IFT52: variants seen among roughly 807,000 people sequenced by gnomAD.
IFT52 encodes intraflagellar transport protein 52 homolog.
Under a neutral mutation model 54.4 loss-of-function variants are expected in IFT52, and 44 were observed. That is an observed-to-expected ratio of 0.81 (90% CI 0.63 to 1.04). The LOEUF is 1.04. Among genes scored for constraint, IFT52 ranks in the 50% least tolerant of loss-of-function variants. IFT52 has a pLI of 0.00. For missense variants in IFT52, 452 were observed against 523.6 expected (o/e 0.86, Z 1.33); for synonymous variants, 181 against 185.3 (o/e 0.98, Z 0.19).
intron 10 of IFT52, among the ~76,000 whole-genome samples, chr20:43,624,952 T>C (rs1312075693): frequency 6.6e-6 from 1 of 152,122 alleles, no homozygotes; most frequent in Non-Finnish European, 1.5e-5. Flanking sequence ...TTTGTGAAAT[T>C]AGCATGCTGC....
chr20:43,618,894 A>G (rs763163007), intron 7 of IFT52, 46 bp from the exon 8 acceptor site: 1 of 1,240,326 alleles, frequency 8.1e-7, no homozygotes, highest in Non-Finnish European at 1.2e-6. Context: ...GATACATGAG[A>G]TGCACTTTCG....
In IFT52 at chr20:43,642,616, T is replaced by C. The variant is rs1439715289; in HGVS notation, c.1258T>C (p.Leu420=). 3 of 1,613,884 alleles carry C rather than the reference T, an allele frequency of 1.9e-6. No individual in the cohort carries two copies. Among genetic ancestry groups the C allele is most frequent in the Non-Finnish European group, 2.5e-6 (3 of 1,179,966 alleles). ...CTTCCAAGTGGTGGAGTTCAAGAAATTGAACCAGGTACAGAGCCTACAAGG... is the reference window on the plus strand; with the variant it reads ...CTTCCAAGTGGTGGAGTTCAAGAAACTGAACCAGGTACAGAGCCTACAAGG... ...VFFQVVEFKK[L]NQEHDIDTSE... Residue 420 remains leucine (L), a synonymous_variant, in exon 13 of 14, where the codon TTG becomes CTG. Coordinates refer to ENST00000373030, the MANE Select transcript of IFT52 (RefSeq NM_016004.5).
At chr20:43,611,690 C>G (rs1248650314) in intron 6 of IFT52, among the ~76,000 whole-genome samples, 1 of 151,770 alleles carries the variant, frequency 6.6e-6, no homozygotes, top group Non-Finnish European at 1.5e-5. Flanking sequence ...CTGGCCTAGT[C>G]TCATTGATTT....
At chr20:43,625,842 G>A (rs1984677221) in intron 10 of IFT52, among the ~76,000 whole-genome samples, 1 of 151,910 alleles carries the variant, frequency 6.6e-6, no homozygotes, top group Non-Finnish European at 1.5e-5. Context: ...ATGGCATAAT[G>A]ACTTCCTTAT....
At position 43,642,548 on chromosome 20, in the gene IFT52, C is replaced by G; in HGVS notation, c.1190C>G (p.Pro397Arg). The change falls in exon 13 of 14, where the codon CCA (proline) becomes CGA (arginine). Residue 397 changes from proline (P) to arginine (R), a missense_variant. Physicochemically the swap from Pro to Arg is moderately radical, Grantham distance 103. Transcript: ENST00000373030. ...ATTCTTGGAGTAACCAGTAAACTACCAAAGGACCAACAGGATGCCAAACAT... is the reference window on the plus strand; with the variant it reads ...ATTCTTGGAGTAACCAGTAAACTACGAAAGGACCAACAGGATGCCAAACAT... ...GDILGVTSKL[P>R]KDQQDAKHIL... 1 of 1,614,070 alleles carries G rather than the reference C, an allele frequency of 6.2e-7. No homozygotes were observed. Among genetic ancestry groups the G allele is most frequent in the Non-Finnish European group, 8.5e-7 (1 of 1,179,982 alleles).
chr20:43,605,282 A>T (rs961702671), intron 6 of IFT52: 229 of 1,264,504 alleles, frequency 1.8e-4, no homozygotes, highest in Non-Finnish European at 2.2e-4. Context: ...ATGGTGGCTC[A>T]CGCCTGTAAT....
At chr20:43,635,076 G>T (rs541238375) in intron 10 of IFT52, among the ~76,000 whole-genome samples, 25 of 151,946 alleles carry the variant, frequency 1.6e-4, no homozygotes, top group Non-Finnish European at 3.1e-4. Flanking sequence ...GCTTAGGCAG[G>T]AGAATCACTT....
chr20:43,610,682 T>C (rs542484286), intron 6 of IFT52, among the ~76,000 whole-genome samples: 1 of 150,012 alleles, frequency 6.7e-6, no homozygotes, highest in African/African-American at 2.5e-5. Flanking sequence ...GAGCTTGCAG[T>C]GAGCCGAGAT....
intron 10 of IFT52, 29 bp downstream of exon 10, chr20:43,624,074 C>A: frequency 6.2e-7 from 1 of 1,608,478 alleles, no homozygotes; most frequent in Non-Finnish European, 8.5e-7. Context: ...CTGAGCCACA[C>A]TGCACTCCAT....
chr20:43,605,377 T>C (rs548843939), intron 6 of IFT52, among the ~76,000 whole-genome samples: 12 of 152,068 alleles, frequency 7.9e-5, no homozygotes, highest in Non-Finnish European at 1.6e-4. Context: ...CAAAATCCCA[T>C]CTCTACTAAA....
chr20:43,598,661 C>G (rs892999115), intron 3 of IFT52, among the ~76,000 whole-genome samples: 2 of 152,184 alleles, frequency 1.3e-5, no homozygotes, highest in African/African-American at 4.8e-5. Flanking sequence ...CGCCACCGCA[C>G]TCCAGCCTGG....
At position 43,603,927 on chromosome 20, in the gene IFT52, TTCTA is replaced by T. The variant is rs764939005; in HGVS notation, c.337+44_337+47del. ...ATTATTTTCAGTAGAGGCAGTACTT[TTCTA>T]TCTATTATTTGATATCATAGCCCTC... is the stretch of plus-strand genomic sequence containing the variant. On this transcript the variant is annotated intron_variant, in intron 4 of 13. Coordinates refer to ENST00000373030, the MANE Select transcript of IFT52 (RefSeq NM_016004.5). 36 of 1,349,242 alleles carry T rather than the reference TTCTA, an allele frequency of 2.7e-5. No individual in the cohort carries two copies. The South Asian group carries it at 3.1e-4, about 12-fold the overall frequency. The allele number at this position is 1,349,242 out of a possible 1,614,324, so 83.6% of individuals were successfully genotyped here.
intron 12 of IFT52, among the ~76,000 whole-genome samples, chr20:43,640,094 G>A (rs1018753950): frequency 3.3e-5 from 5 of 151,904 alleles, no homozygotes; most frequent in African/African-American, 1.2e-4. Flanking sequence ...AGCCTAGGAA[G>A]TCAAGGCTGC....
chr20:43,625,855 C>A (rs1209800029), intron 10 of IFT52, among the ~76,000 whole-genome samples: 1 of 151,500 alleles, frequency 6.6e-6, no homozygotes, highest in African/African-American at 2.4e-5. Context: ...TTCCTTATAT[C>A]CCGAACGTCA....
intron 6 of IFT52, among the ~76,000 whole-genome samples, chr20:43,605,486 G>T (rs1982793611): frequency 6.6e-6 from 1 of 152,228 alleles, no homozygotes; most frequent in South Asian, 2.1e-4. Context: ...GGCGGAAGTT[G>T]CAGTGAGCCA....
chr20:43,611,719 A>C (rs1983464781), intron 6 of IFT52, among the ~76,000 whole-genome samples: 1 of 152,020 alleles, frequency 6.6e-6, no homozygotes, highest in African/African-American at 2.4e-5. Context: ...GTAATAAAAG[A>C]AATACAGGAG....
chr20:43,600,493 A>T lies in IFT52; in HGVS notation c.208-3267A>T, dbSNP rs1456409907. Among the ~76,000 whole-genome samples the T allele has an allele frequency of 2.6e-5, 4 of 151,814 alleles. No homozygotes were observed. The East Asian group carries it at 5.8e-4, about 22-fold the overall frequency. ...CTAATTTTTTGTATTTTTAGTAGAG[A>T]TGGGGTTTCACCGTGTTAGCCAGGG... is the stretch of plus-strand genomic sequence containing the variant. On this transcript the variant is annotated intron_variant, in intron 3 of 13. Coordinates refer to ENST00000373030, the MANE Select transcript of IFT52 (RefSeq NM_016004.5).
In IFT52 at chr20:43,594,795, C is replaced by A. The variant is rs547710015; in HGVS notation, c.97C>A (p.Arg33=). Residue 33 remains arginine (R), a synonymous_variant, in exon 2 of 14, where the codon CGG becomes AGG. Transcript: ENST00000373030. ...CTACAAATCCATGCAGAAAAAACTT[C>A]GGAGTAATTGGAAGATTCAGAGGTG... ...NGYKSMQKKL[R]SNWKIQSLKD... 12 of 1,594,190 alleles carry A rather than the reference C, an allele frequency of 7.5e-6. No individual in the cohort carries two copies. The African/African-American group carries it at 1.3e-4, about 18-fold the overall frequency.
chr20:43,620,998 A>C, intron 9 of IFT52, 73 bp downstream of exon 9: 86 of 1,049,760 alleles, frequency 8.2e-5, no homozygotes, highest in Non-Finnish European at 1.1e-4. Context: ...CTCACAGCTC[A>C]AAAGGAATAC....
Sources: gnomAD v4.1 joint callset for allele counts (sites outside exome capture counted in the v4.1 genomes callset) on GRCh38, gnomAD v4.1.1 for gene constraint, MANE v1.5 for transcripts, NCBI Gene and HGNC (gene_info 2026-07-23, HGNC 2026-07-21) for gene names.